Variants in ZNF410 observed in about 807,000 individuals in gnomAD.
ZNF410 encodes zinc finger protein 410.
A neutral mutation model predicts 54.8 loss-of-function variants in ZNF410; 18 were observed. The ratio of observed to expected loss-of-function variants is 0.33; its 90% CI spans 0.23 to 0.49. The LOEUF (loss-of-function observed/expected upper bound fraction) is 0.49. ZNF410 is among the 20% of genes least tolerant of loss of function. The pLI, the probability that ZNF410 is intolerant of heterozygous loss-of-function variation, is 0.99. For synonymous variants in ZNF410, 191 were observed against 207.3 expected (o/e 0.92, Z 0.68); for missense variants, 405 against 569.6 (o/e 0.71, Z 2.94).
At position 73,894,498 on chromosome 14, in the gene ZNF410, T is replaced by A. The variant is rs144918786; in HGVS notation, c.169+566T>A. 3.7e-5 allele frequency: 25 copies of A among 681,258 alleles called. No homozygotes were observed. In the East Asian group the frequency reaches 6.0e-4, roughly 16 times the overall value. 42.2% of individuals were successfully genotyped at this position (681,258 alleles called of 1,614,324 possible). ...GTGTAGTGACGCAATCTTGGCTCAC[T>A]GCAACCTCCGCCTCCCCTCCCAGGT... On this transcript the variant is annotated intron_variant, in intron 3 of 11. Transcript: ENST00000555044.
intron 7 of ZNF410, among the ~76,000 whole-genome samples, chr14:73,908,558 G>A (rs1214528170): frequency 1.3e-5 from 2 of 152,142 alleles, no homozygotes; most frequent in Admixed American, 1.3e-4. Flanking sequence ...ATCTAGCAGT[G>A]CTGTTCCCTC....
At chr14:73,929,953 C>A (rs1388408113) in intron 11 of ZNF410, among the ~76,000 whole-genome samples, 1 of 152,124 alleles carries the variant, frequency 6.6e-6, no homozygotes, top group East Asian at 1.9e-4. Context: ...ATTGCACAGG[C>A]CCAACTGGGA....
At chr14:73,924,356 G>A (rs1374018886) in intron 11 of ZNF410, among the ~76,000 whole-genome samples, 2 of 152,324 alleles carry the variant, frequency 1.3e-5, no homozygotes, top group South Asian at 2.1e-4. Flanking sequence ...ACCTCCTGCT[G>A]TGTGGCCTGG....
intron 5 of ZNF410, among the ~76,000 whole-genome samples, chr14:73,899,773 T>C (rs2055377447): frequency 6.6e-6 from 1 of 152,184 alleles, no homozygotes; most frequent in African/African-American, 2.4e-5. Context: ...ACTGGCTTGT[T>C]ATGGAGATTA....
Position 73,931,569 on chromosome 14 carries a change from ACT to A in ZNF410, c.*31_*32del. The A allele has an allele frequency of 6.2e-7, 1 of 1,606,970 alleles. No individual in the cohort carries two copies. Among genetic ancestry groups the A allele is most frequent in the Non-Finnish European group, 8.5e-7 (1 of 1,175,978 alleles). On this transcript the variant is annotated 3_prime_UTR_variant, in exon 12 of 12. Coordinates refer to ENST00000555044, the MANE Select transcript of ZNF410 (RefSeq NM_021188.3). The stretch of plus-strand genomic sequence containing the variant: ...GTGGGTGCTGACTCCTGGAAGAGCA[ACT>A]CTATCTGATCTCAAAATGCGTATAC...
chr14:73,921,199 T>C, intron 9 of ZNF410, 94 bp downstream of exon 9: 1 of 1,544,512 alleles, frequency 6.5e-7, no homozygotes, highest in African/African-American at 1.4e-5. Context: ...ATTTTCTGAT[T>C]CTGTTTTGGG....
Position 73,931,581 on chromosome 14 carries a change from C to T in ZNF410, c.*40C>T. ...TCCTGGAAGAGCAACTCTATCTGAT[C>T]TCAAAATGCGTATACTGGGAACAGG... On this transcript the variant is annotated 3_prime_UTR_variant, in exon 12 of 12. Transcript: ENST00000555044. The T allele has an allele frequency of 1.3e-6, 2 of 1,596,382 alleles. No individual in the cohort carries two copies. Among genetic ancestry groups the T allele is most frequent in the Non-Finnish European group, 1.7e-6 (2 of 1,166,230 alleles).
In ZNF410 at chr14:73,922,105, C is replaced by T; in HGVS notation, c.1169C>T (p.Ser390Leu). 1 of 1,614,132 alleles carries T rather than the reference C, an allele frequency of 6.2e-7. No individual in the cohort carries two copies. The highest frequency in any genetic ancestry group is 8.5e-7 in the Non-Finnish European group (1 of 1,180,028). The change falls in exon 10 of 12, where the codon TCA becomes TTA. Residue 390 changes from serine (S) to leucine (L), a missense_variant. This residue lies in a region of ZNF410 where 127 missense variants were observed against 141.3 expected (regional missense o/e 0.90). Coordinates refer to ENST00000555044, the MANE Select transcript of ZNF410 (RefSeq NM_021188.3). ...LMGSSLLEEA[S>L]VPSKNLVSMN... ...GGCAGTAGTTTGCTTGAAGAGGCTT[C>T]AGTACCCAGTAAAAACCTGGTGTCT...
chr14:73,918,997 CTTTTTTTTTTTTTTTT>C (rs906481832), intron 8 of ZNF410, among the ~76,000 whole-genome samples: 4 of 60,622 alleles, frequency 6.6e-5, no homozygotes, highest in African/African-American at 9.5e-5. Flanking sequence ...CGTGCCCGGC[CTTTTTTTTTTTTTTTT>C]TTTTTTTTTT....
At chr14:73,921,367 A>T in intron 9 of ZNF410, 1 of 333,818 alleles carries the variant, frequency 3.0e-6, no homozygotes, top group Non-Finnish European at 5.4e-6. Context: ...GCAAGATCCT[A>T]GAATCTGTAG....
At chr14:73,890,725 G>A (rs1327962364) in intron 1 of ZNF410, among the ~76,000 whole-genome samples, 1 of 152,070 alleles carries the variant, frequency 6.6e-6, no homozygotes, top group Non-Finnish European at 1.5e-5. Context: ...TTAAGTTATA[G>A]GGAGTGGCTG....
chr14:73,921,962 T>A, intron 9 of ZNF410, 104 bp from the exon 10 acceptor site: 1 of 1,411,986 alleles, frequency 7.1e-7, no homozygotes, highest in Non-Finnish European at 9.7e-7. Context: ...ATCTATAGGT[T>A]AACTTCTAGT....
In ZNF410 at chr14:73,896,399, G is replaced by A; in HGVS notation, c.253G>A (p.Asp85Asn). Residue 85 changes from aspartate (D) to asparagine (N), a missense_variant, in exon 4 of 12, where the codon GAC becomes AAC. Asp to Asn is a conservative substitution (Grantham distance 23). Around this residue, in one of 3 missense-constraint regions of ZNF410, gnomAD observed 247 missense variants for 342.8 expected, o/e 0.72. Transcript: ENST00000555044. ...LRSLRVNVGP[D>N]GEETRAQTVQ... ...AAGCCTTCGGGTGAATGTGGGTCCA[G>A]ACGGAGAGGAGACGAGAGCTCAGAC... 1 of 1,614,204 alleles carries A rather than the reference G, an allele frequency of 6.2e-7. No homozygotes were observed. Among genetic ancestry groups the A allele is most frequent in the Admixed American group, 1.7e-5 (1 of 60,022 alleles).
chr14:73,893,793 C>G lies in ZNF410; in HGVS notation c.34-4C>G, dbSNP rs371218339. 1.8e-4 allele frequency: 291 copies of G among 1,596,626 alleles called. No individual in the cohort carries two copies. Among genetic ancestry groups the G allele is most frequent in the South Asian group, 3.0e-4 (26 of 87,246 alleles). On this transcript the variant is annotated splice_polypyrimidine_tract_variant and splice_region_variant and intron_variant, in intron 2 of 11. Coordinates refer to ENST00000555044, the MANE Select transcript of ZNF410 (RefSeq NM_021188.3). The stretch of plus-strand genomic sequence containing the variant: ...TTTCTCAGTGTTGTCTTTTCTCCCC[C>G]CAGCTCCTGGTACAGTTTGTTCAGA...
At position 73,909,610 on chromosome 14, in the gene ZNF410, G is replaced by C. The variant is rs558490228; in HGVS notation, c.1003+180G>C. 36 of 503,914 alleles carry C rather than the reference G, an allele frequency of 7.1e-5. 2 individuals are homozygous for C. Among genetic ancestry groups the C allele is most frequent in the East Asian group, 4.4e-4 (14 of 31,680 alleles). 31.2% of individuals were successfully genotyped at this position (503,914 alleles called of 1,614,324 possible). ...CCTTAATTCTTATAATCAAGGTTGG[G>C]GGGGGGACATCTAATTATTATTTTC... On this transcript the variant is annotated intron_variant, in intron 8 of 11. Coordinates refer to ENST00000555044, the MANE Select transcript of ZNF410 (RefSeq NM_021188.3).
chr14:73,900,281 A>G (rs2055385853), intron 5 of ZNF410, among the ~76,000 whole-genome samples: 1 of 152,040 alleles, frequency 6.6e-6, no homozygotes, highest in Non-Finnish European at 1.5e-5. Flanking sequence ...TTTTTTTCTA[A>G]CTTAGTTATG....
At chr14:73,912,173 T>C (rs55930513) in intron 8 of ZNF410, among the ~76,000 whole-genome samples, 49,572 of 122,752 alleles carry the variant, frequency 0.4, 9,575 homozygotes, top group Non-Finnish European at 0.47. Context: ...CACTTTCTTT[T>C]TTTTTTTTTT....
At position 73,904,164 on chromosome 14, in the gene ZNF410, C is replaced by T. The variant is rs572315706; in HGVS notation, c.731+54C>T. On this transcript the variant is annotated intron_variant, in intron 6 of 11. Transcript: ENST00000555044. ...ATATACGTTGATGCAAAAGTTGATT[C>T]TTCCAGAGGAACTTGCCCCTCAGGT... 6 of 1,565,528 alleles carry T rather than the reference C, an allele frequency of 3.8e-6. No individual in the cohort carries two copies. In the South Asian group the frequency reaches 7.2e-5, roughly 19 times the overall value.
chr14:73,906,722 G>A (rs562900841), intron 7 of ZNF410, among the ~76,000 whole-genome samples: 4 of 151,750 alleles, frequency 2.6e-5, no homozygotes, highest in African/African-American at 4.8e-5. Flanking sequence ...CAAGTGATCC[G>A]CCGACCTTGC....
Sources: gnomAD v4.1 joint callset for allele counts (sites outside exome capture counted in the v4.1 genomes callset) on GRCh38, gnomAD v4.1.1 for gene constraint, gnomAD v4.1.1 regional missense constraint, MANE v1.5 for transcripts, NCBI Gene and HGNC (gene_info 2026-07-23, HGNC 2026-07-21) for gene names.